Variants in SEMA6D observed in about 807,000 individuals in gnomAD.
SEMA6D encodes the protein semaphorin 6D, also known as semaphorin-6D.
A neutral mutation model predicts 106.6 loss-of-function variants in SEMA6D; 35 were observed. The ratio of observed to expected loss-of-function variants is 0.33; its 90% confidence interval spans 0.25 to 0.44. The LOEUF is 0.44. Among genes scored for constraint, SEMA6D ranks in the 20% least tolerant of loss-of-function variants. The pLI is 1.00. For missense variants in SEMA6D, 1,185 were observed against 1,345.9 expected, an observed-to-expected ratio of 0.88 and a Z score of 1.87; for synonymous variants, 499 against 487.7, an observed-to-expected ratio of 1.02 and a Z score of -0.31.
chr15:47,191,479 A>G (rs948490133), intron 1 of SEMA6D, among the ~76,000 whole-genome samples: 41 of 152,112 alleles, frequency 2.7e-4, no homozygotes, highest in African/African-American at 9.9e-4. Flanking sequence ...TGGCGTGGGT[A>G]TGATCAAGGC....
chr15:47,368,102 G>C (rs1040726987), intron 1 of SEMA6D, among the ~76,000 whole-genome samples: 2 of 151,820 alleles, frequency 1.3e-5, no homozygotes, highest in African/African-American at 4.8e-5. Context: ...TTTCATCTTT[G>C]TATTTAGCTA....
chr15:47,360,397 T>G (rs1428210184), intron 1 of SEMA6D, among the ~76,000 whole-genome samples: 1 of 152,246 alleles, frequency 6.6e-6, no homozygotes, highest in East Asian at 1.9e-4. Flanking sequence ...TTAGCCACAG[T>G]GTGACTTTTT....
At chr15:47,535,548 A>G (rs1194535304) in intron 3 of SEMA6D, among the ~76,000 whole-genome samples, 2 of 152,112 alleles carry the variant, frequency 1.3e-5, no homozygotes, top group Non-Finnish European at 2.9e-5. Flanking sequence ...AGTACTTTTT[A>G]AGCACCTACT....
At chr15:47,372,219 A>G (rs1180350343) in intron 1 of SEMA6D, among the ~76,000 whole-genome samples, 1 of 152,174 alleles carries the variant, frequency 6.6e-6, no homozygotes, top group East Asian at 1.9e-4. Flanking sequence ...AGTTCTTCTT[A>G]GTAGCCATAT....
chr15:47,583,450 A>G (rs1159571779), intron 3 of SEMA6D, among the ~76,000 whole-genome samples: 2 of 152,098 alleles, frequency 1.3e-5, no homozygotes, highest in African/African-American at 4.8e-5. Flanking sequence ...TCTGTGCCTT[A>G]TAGGTAGTCA....
At chr15:47,488,677 A>G (rs985882478) in intron 3 of SEMA6D, among the ~76,000 whole-genome samples, 2 of 152,106 alleles carry the variant, frequency 1.3e-5, no homozygotes, top group Non-Finnish European at 2.9e-5. Flanking sequence ...CTAGAGGAGG[A>G]GTGGGAGGAA....
At chr15:47,285,061 CCCAAGACTGCAG>C (rs1403896544) in intron 1 of SEMA6D, among the ~76,000 whole-genome samples, 1 of 152,170 alleles carries the variant, frequency 6.6e-6, no homozygotes, top group African/African-American at 2.4e-5. Context: ...AACTTTTCTT[CCCAAGACTGCAG>C]CCATGTGTAT....
At chr15:47,532,423 G>A (rs1438792352) in intron 3 of SEMA6D, among the ~76,000 whole-genome samples, 1 of 152,154 alleles carries the variant, frequency 6.6e-6, no homozygotes, top group Non-Finnish European at 1.5e-5. Flanking sequence ...ATTCATCTCT[G>A]CTGTGCATTT....
intron 1 of SEMA6D, among the ~76,000 whole-genome samples, chr15:47,215,182 G>T (rs573759157): frequency 1.1e-5 from 1 of 88,008 alleles, no homozygotes; most frequent in Admixed American, 1.1e-4. Context: ...ACTTTATATC[G>T]TGCAATCTAC....
rs960457723 is a variant in SEMA6D at position 47,270,103 on chromosome 15, C to T, written c.-239+85685C>T. Among the ~76,000 whole-genome samples the T allele has an allele frequency of 8.8e-4, 131 of 148,918 alleles. 1 individual carries two copies. The highest frequency in any genetic ancestry group is 8.7e-3 in the Admixed American group (130 of 14,922). ...ATTTATTGTAGTTTTATGTTTGTTA[C>T]ATTTTATTTAACATGTTTATTAAAT... On this transcript the variant is annotated intron_variant, in intron 1 of 19. Coordinates refer to the SEMA6D transcript ENST00000558014.
chr15:47,671,769 G>C (rs2078141717), intron 4 of SEMA6D, among the ~76,000 whole-genome samples: 1 of 152,128 alleles, frequency 6.6e-6, no homozygotes, highest in East Asian at 1.9e-4. Flanking sequence ...GAATTGAAGA[G>C]ATGTGAAAGA....
At chr15:47,239,978 T>G (rs930220755) in intron 1 of SEMA6D, among the ~76,000 whole-genome samples, 10 of 152,194 alleles carry the variant, frequency 6.6e-5, no homozygotes, top group Non-Finnish European at 8.8e-5. Context: ...ATTTTAGAAA[T>G]CCTTGATATA....
intron 1 of SEMA6D, among the ~76,000 whole-genome samples, chr15:47,297,921 A>G (rs1298942458): frequency 6.6e-6 from 1 of 152,136 alleles, no homozygotes; most frequent in Non-Finnish European, 1.5e-5. Context: ...ACAGAAGGTA[A>G]ATCATTGTGG....
At chr15:47,268,302 C>G (rs2034412785) in intron 1 of SEMA6D, among the ~76,000 whole-genome samples, 1 of 152,160 alleles carries the variant, frequency 6.6e-6, no homozygotes, top group South Asian at 2.1e-4. Context: ...CTTCCATTTA[C>G]TGCTAATATT....
At chr15:47,690,879 C>T (rs2078572436) in intron 4 of SEMA6D, among the ~76,000 whole-genome samples, 1 of 152,122 alleles carries the variant, frequency 6.6e-6, no homozygotes, top group Admixed American at 6.5e-5. Context: ...GCCTAACTCA[C>T]CCTCATGTTA....
At chr15:47,324,863 C>T (rs2037064151) in intron 1 of SEMA6D, among the ~76,000 whole-genome samples, 1 of 151,990 alleles carries the variant, frequency 6.6e-6, no homozygotes, top group East Asian at 1.9e-4. Flanking sequence ...GCTTATTTCA[C>T]TTAGGACTAT....
chr15:47,659,496 A>T (rs1416112523), intron 4 of SEMA6D, among the ~76,000 whole-genome samples: 1 of 152,018 alleles, frequency 6.6e-6, no homozygotes, highest in East Asian at 1.9e-4. Flanking sequence ...TATTATAAGA[A>T]TAAATAGGAT....
chr15:47,528,360 T>A (rs2044834094), intron 3 of SEMA6D, among the ~76,000 whole-genome samples: 2 of 152,010 alleles, frequency 1.3e-5, no homozygotes, highest in South Asian at 4.1e-4. Context: ...GATTGTCCAA[T>A]TTTTTTTAAG....
chr15:47,314,849 CTTTTTTTTTTTTTTTTTTTTTT>C lies in SEMA6D; in HGVS notation c.-238-97531_-238-97510del, dbSNP rs1173992222. Among the ~76,000 whole-genome samples the C allele has an allele frequency of 8.3e-5, 7 of 83,916 alleles. 1 individual carries two copies. The highest frequency in any genetic ancestry group is 1.6e-4 in the African/African-American group (3 of 18,824). 55.1% of individuals were successfully genotyped at this position (83,916 alleles called of 152,430 possible). Reference sequence around the variant, plus strand: ...ATCAAACCCAAATCATCTAGGTTTTCTTTTTTTTTTTTTTTTTTTTTTTTTTTTTTTTTTGAGACGGAGTCTC... The same window carrying C: ...ATCAAACCCAAATCATCTAGGTTTTCTTTTTTTTTTTTGAGACGGAGTCTC... On this transcript the variant is annotated intron_variant, in intron 1 of 19. Transcript: ENST00000558014.
Sources: gnomAD v4.1 joint callset for allele counts (sites outside exome capture counted in the v4.1 genomes callset) on GRCh38, gnomAD v4.1.1 for gene constraint, MANE v1.5 for transcripts, NCBI Gene and HGNC (gene_info 2026-07-23, HGNC 2026-07-21) for gene names.